The following ARHGAP29 variants were observed in gnomAD, a reference collection of about 807,000 sequenced individuals.
The protein encoded by ARHGAP29 is rho GTPase-activating protein 29.
Under a neutral mutation model 122.6 loss-of-function variants are expected in ARHGAP29, and 43 were observed. That is an observed-to-expected ratio of 0.35 (90% CI 0.27 to 0.45). The LOEUF (loss-of-function observed/expected upper bound fraction) is 0.45. Ranked by LOEUF, ARHGAP29 falls within the 20% of genes least tolerant of loss-of-function variation. The pLI, the probability that ARHGAP29 is intolerant of heterozygous loss-of-function variation, is 1.00. For missense variants in ARHGAP29, 1,303 were observed against 1,477.2 expected, an observed-to-expected ratio of 0.88 and a Z score of 1.93; for synonymous variants, 506 against 497.1, an observed-to-expected ratio of 1.02 and a Z score of -0.24.
At chr1:94,208,014 T>C (rs1183743042) in intron 5 of ARHGAP29, among the ~76,000 whole-genome samples, 1 of 152,108 alleles carries the variant, frequency 6.6e-6, no homozygotes, top group African/African-American at 2.4e-5. Flanking sequence ...CTGGCTAATT[T>C]TTTGTAGGGA....
At chr1:94,207,983 T>C (rs1180451778) in intron 5 of ARHGAP29, among the ~76,000 whole-genome samples, 1 of 152,124 alleles carries the variant, frequency 6.6e-6, no homozygotes, top group Non-Finnish European at 1.5e-5. Context: ...TAGCTGGGAC[T>C]ACAGACTTGT....
At chr1:94,281,474 C>T in the ARHGAP29 span, among the ~76,000 whole-genome samples, 2 of 152,160 alleles carry the variant, frequency 1.3e-5, no homozygotes, top group African/African-American at 4.8e-5. Context: ...GAGATCAACA[C>T]CGTCAGTGAG....
intron 3 of ARHGAP29, among the ~76,000 whole-genome samples, chr1:94,217,414 A>G (rs192999794): frequency 6.6e-6 from 1 of 152,024 alleles, no homozygotes; most frequent in East Asian, 1.9e-4. Flanking sequence ...CATACCTGTA[A>G]TCCTAGCTAC....
the ARHGAP29 span, among the ~76,000 whole-genome samples, chr1:94,307,052 A>G: frequency 6.6e-6 from 1 of 152,176 alleles, no homozygotes; most frequent in Non-Finnish European, 1.5e-5. Flanking sequence ...GAAAAACACA[A>G]TTATTTCTAT....
chr1:94,273,446 T>A (rs967598649), intron 1 of ARHGAP29, among the ~76,000 whole-genome samples: 40 of 152,350 alleles, frequency 2.6e-4, no homozygotes, highest in Admixed American at 2.2e-3. Flanking sequence ...CTCTTATTTA[T>A]CACTCAGAAC....
chr1:94,182,272 A>G (rs1002446272), intron 19 of ARHGAP29, among the ~76,000 whole-genome samples: 1 of 151,800 alleles, frequency 6.6e-6, no homozygotes, highest in Non-Finnish European at 1.5e-5. Context: ...GTGTTGTAAG[A>G]AAACAAAAAA....
intron 7 of ARHGAP29, among the ~76,000 whole-genome samples, chr1:94,204,857 G>T (rs1651093474): frequency 6.6e-6 from 1 of 152,002 alleles, no homozygotes; most frequent in Admixed American, 6.6e-5. Flanking sequence ...ATTTGTCTTT[G>T]TGTCCCTAGG....
intron 4 of ARHGAP29, among the ~76,000 whole-genome samples, 163 bp downstream of exon 4, chr1:94,209,091 T>C (rs1570542797): frequency 6.6e-6 from 1 of 152,324 alleles, no homozygotes; most frequent in Non-Finnish European, 1.5e-5. Context: ...TATAAAAATA[T>C]CTTCGAATAT....
chr1:94,233,644 C>T (rs1005169383), intron 1 of ARHGAP29, among the ~76,000 whole-genome samples: 3 of 152,184 alleles, frequency 2.0e-5, no homozygotes, highest in African/African-American at 7.2e-5. Context: ...TATGGAGACA[C>T]ACCTGCTGGC....
chr1:94,301,612 G>C, the ARHGAP29 span, among the ~76,000 whole-genome samples: 1 of 152,130 alleles, frequency 6.6e-6, no homozygotes, highest in Non-Finnish European at 1.5e-5. Context: ...TGGTGGCCAG[G>C]GGGGATGAGG....
intron 2 of ARHGAP29, among the ~76,000 whole-genome samples, chr1:94,225,537 C>T (rs370712346): frequency 7.2e-5 from 11 of 151,960 alleles, no homozygotes; most frequent in African/African-American, 2.7e-4. Context: ...ATAGCTAGAT[C>T]CCACAATATT....
intron 1 of ARHGAP29, among the ~76,000 whole-genome samples, chr1:94,270,401 C>T (rs1238637596): frequency 6.6e-6 from 1 of 152,208 alleles, no homozygotes; most frequent in Admixed American, 6.5e-5. Flanking sequence ...TGTGCCCTGG[C>T]AGACATGGAA....
the ARHGAP29 span, among the ~76,000 whole-genome samples, chr1:94,300,109 C>T: frequency 2.6e-5 from 4 of 152,314 alleles, no homozygotes; most frequent in African/African-American, 9.6e-5. Context: ...AAGGCGGGCC[C>T]ACCTGTACTT....
chr1:94,244,266 A>G (rs936004260), intron 1 of ARHGAP29, among the ~76,000 whole-genome samples: 4 of 151,780 alleles, frequency 2.6e-5, no homozygotes, highest in Admixed American at 6.6e-5. Flanking sequence ...TTCTTAACAC[A>G]GTATTAGCAA....
the ARHGAP29 span, among the ~76,000 whole-genome samples, chr1:94,307,301 C>G: frequency 3.3e-5 from 5 of 152,184 alleles, no homozygotes; most frequent in Non-Finnish European, 7.3e-5. Context: ...ACTAGCTCTT[C>G]CACTCTCCAC....
intron 22 of ARHGAP29, among the ~76,000 whole-genome samples, chr1:94,175,821 C>T (rs758880397): frequency 2.0e-5 from 3 of 152,124 alleles, no homozygotes; most frequent in Non-Finnish European, 4.4e-5. Flanking sequence ...TCTCTTGCCT[C>T]ACCCTCCTGA....
intron 18 of ARHGAP29, 95 bp downstream of exon 18, chr1:94,184,777 A>C (rs530091047): frequency 3.8e-6 from 4 of 1,056,438 alleles, no homozygotes; most frequent in East Asian, 5.4e-5. Context: ...AACAAAAAAA[A>C]CCCCTGAGCA....
chr1:94,220,544 T>C (rs1010280142), intron 2 of ARHGAP29, 152 bp from the exon 3 acceptor site: 8 of 604,800 alleles, frequency 1.3e-5, no homozygotes, highest in African/African-American at 7.5e-5. Context: ...GCTGCAATTA[T>C]ATACAATTTA....
chr1:94,304,926 C>T, the ARHGAP29 span, among the ~76,000 whole-genome samples: 1 of 152,152 alleles, frequency 6.6e-6, no homozygotes, highest in Non-Finnish European at 1.5e-5. Flanking sequence ...TGCTGGTGAG[C>T]CTGTGTGAGA....
Sources: gnomAD v4.1 joint callset for allele counts (sites outside exome capture counted in the v4.1 genomes callset) on GRCh38, gnomAD v4.1.1 for gene constraint, MANE v1.5 for transcripts, NCBI Gene and HGNC (gene_info 2026-07-23, HGNC 2026-07-21) for gene names.